PCDHGB3: variants seen among roughly 807,000 people sequenced by gnomAD.
PCDHGB3 encodes protocadherin gamma-B3.
PCDHGB3 carries 40 observed loss-of-function variants against 59.2 expected under a neutral mutation model. That is an observed-to-expected ratio of 0.68 (90% confidence interval 0.52 to 0.88). The LOEUF is 0.88. Among genes scored for constraint, PCDHGB3 ranks in the 40% least tolerant of loss-of-function variants. The pLI is 0.00. For missense variants in PCDHGB3, 1,309 were observed against 1,187.9 expected (o/e 1.10, Z -1.50); for synonymous variants, 581 against 503.6 (o/e 1.15, Z -2.06).
intron 1 of PCDHGB3, chr5:141,387,848 C>A (rs746271589): frequency 1.1e-5 from 18 of 1,597,460 alleles, no homozygotes; most frequent in Non-Finnish European, 1.5e-5. Flanking sequence ...AACCCGGCGT[C>A]TCCAGGCTGG....
intron 1 of PCDHGB3, chr5:141,478,899 T>A (rs905349011): frequency 9.7e-7 from 1 of 1,027,124 alleles, no homozygotes; most frequent in African/African-American, 1.6e-5. Context: ...ACATTAGGAA[T>A]AAGCTGCTGG....
At chr5:141,402,514 AAT>A (rs1200847622) in intron 1 of PCDHGB3, among the ~76,000 whole-genome samples, 1 of 152,218 alleles carries the variant, frequency 6.6e-6, no homozygotes, top group East Asian at 1.9e-4. Flanking sequence ...AATATTAAGC[AAT>A]GGTTTGTGAT....
intron 1 of PCDHGB3, among the ~76,000 whole-genome samples, chr5:141,434,824 A>ACTTG (rs1561875192): frequency 1.3e-5 from 2 of 151,888 alleles, no homozygotes; most frequent in African/African-American, 4.8e-5. Flanking sequence ...CCCTTAGTAC[A>ACTTG]CTTGGCATTT....
chr5:141,403,527 C>G lies in PCDHGB3; in HGVS notation c.2415+30718C>G. The G allele has an allele frequency of 3.1e-6, 5 of 1,614,022 alleles. No homozygotes were observed. The South Asian group carries it at 5.5e-5, about 18-fold the overall frequency. The stretch of plus-strand genomic sequence containing the variant: ...ACTGGAGACAATGGAGCCATAAACC[C>G]AGAGCTGGTGCTGGAGCGCGCCCTG... On this transcript the variant is annotated intron_variant, in intron 1 of 3. Coordinates refer to ENST00000576222, the MANE Select transcript of PCDHGB3 (RefSeq NM_018924.5).
chr5:141,371,175 G>T lies in PCDHGB3; in HGVS notation c.781G>T (p.Val261Leu), dbSNP rs753971437. ...VAENLPAGSS[V>L]LKVMAIDMDE... ...AGAGAACCTGCCCGCTGGCTCCTCC[G>T]TATTAAAAGTGATGGCCATTGACAT... Residue 261 changes from valine to leucine, a missense_variant, in exon 1 of 4, where the codon GTA becomes TTA. Coordinates refer to ENST00000576222, the MANE Select transcript of PCDHGB3 (RefSeq NM_018924.5). 1 of 1,614,004 alleles carries T rather than the reference G, an allele frequency of 6.2e-7. No individual in the cohort carries two copies. Among genetic ancestry groups the T allele is most frequent in the South Asian group, 1.1e-5 (1 of 91,088 alleles).
Position 141,432,093 on chromosome 5 carries a change from C to G in PCDHGB3, c.2415+59284C>G. On this transcript the variant is annotated intron_variant, in intron 1 of 3. Coordinates refer to ENST00000576222, the MANE Select transcript of PCDHGB3 (RefSeq NM_018924.5). This position sits in a 1 kb window ranked among gnomAD's most constrained non-coding sequence, Gnocchi z 6.0. ...CATATCTCGCTGAACGTGGCAGACA[C>G]CAACGACAACCCGCCGGTCTTCCCT... 1 of 1,614,170 alleles carries G rather than the reference C, an allele frequency of 6.2e-7. No individual in the cohort carries two copies. The highest frequency in any genetic ancestry group is 8.5e-7 in the Non-Finnish European group (1 of 1,180,046).
rs1158003183 is a variant in PCDHGB3, at chr5:141,397,388, G to A, written c.2415+24579G>A. Among the ~76,000 whole-genome samples the A allele has an allele frequency of 3.9e-5, 6 of 152,232 alleles. No individual in the cohort carries two copies. In the East Asian group the frequency reaches 1.2e-3, roughly 29 times the overall value. Reference sequence around the variant, plus strand: ...GATGTTTGGGGATTGGTATAAAATTGCCACAACTTTACAAAATAGTTTTAA... The same window carrying A: ...GATGTTTGGGGATTGGTATAAAATTACCACAACTTTACAAAATAGTTTTAA... On this transcript the variant is annotated intron_variant, in intron 1 of 3. Transcript: ENST00000576222.
intron 1 of PCDHGB3, chr5:141,409,190 C>T (rs868189970): frequency 6.2e-7 from 1 of 1,613,986 alleles, no homozygotes; most frequent in Non-Finnish European, 8.5e-7. Context: ...TCTCTCTACC[C>T]AGTGTAAAGT....
At chr5:141,439,727 C>G (rs940325016) in intron 1 of PCDHGB3, 2 of 152,406 alleles carry the variant, frequency 1.3e-5, no homozygotes, top group Non-Finnish European at 2.9e-5. Context: ...AAATTATAAG[C>G]AGGAACGGAA....
intron 1 of PCDHGB3, chr5:141,374,222 A>G (rs1770285698): frequency 1.2e-6 from 2 of 1,613,902 alleles, no homozygotes; most frequent in South Asian, 1.1e-5. Flanking sequence ...CTTCGTAGGC[A>G]ACATCGTCAA....
intron 1 of PCDHGB3, chr5:141,403,339 C>T (rs2094393588): frequency 1.2e-6 from 2 of 1,613,892 alleles, no homozygotes; most frequent in Admixed American, 1.7e-5. Context: ...TTAACGACAG[C>T]GCCCCAAAGT....
intron 1 of PCDHGB3, chr5:141,403,166 A>G (rs907710099): frequency 1.2e-6 from 2 of 1,614,002 alleles, no homozygotes; most frequent in Non-Finnish European, 1.7e-6. Flanking sequence ...TAGAGGTAGG[A>G]CGCAGCTTTT....
chr5:141,371,930 G>A lies in PCDHGB3; in HGVS notation c.1536G>A (p.Gly512=), dbSNP rs755224038. The A allele has an allele frequency of 3.1e-6, 5 of 1,613,242 alleles. No individual in the cohort carries two copies. Among genetic ancestry groups the A allele is most frequent in the Non-Finnish European group, 3.4e-6 (4 of 1,179,918 alleles). Residue 512 remains glycine (G), a synonymous_variant, in exon 1 of 4, where the codon GGG becomes GGA. Transcript: ENST00000576222. The part of the protein sequence containing the change: ...SSYVSVSARS[G]VVFAQRAFDH... The stretch of plus-strand genomic sequence containing the variant: ...ACGTGTCCGTGAGCGCGCGGAGCGG[G>A]GTGGTGTTCGCGCAGCGAGCCTTCG...
Position 141,432,076 on chromosome 5 carries a change from G to T in PCDHGB3, c.2415+59267G>T. ...CCCTATCCACGGAAACTCATATCTC[G>T]CTGAACGTGGCAGACACCAACGACA... On this transcript the variant is annotated intron_variant, in intron 1 of 3. Transcript: ENST00000576222. This position sits in a 1 kb window ranked among gnomAD's most constrained non-coding sequence, Gnocchi z 6.0. 1.2e-6 allele frequency: 2 copies of T among 1,614,160 alleles called. No homozygotes were observed. Among genetic ancestry groups the T allele is most frequent in the Non-Finnish European group, 1.7e-6 (2 of 1,180,024 alleles).
At chr5:141,374,076 A>AGCCAGTAATGGCGCCTCCGCAGAGGC (rs1770087883) in intron 1 of PCDHGB3, 1 of 1,514,538 alleles carries the variant, frequency 6.6e-7, no homozygotes, top group Non-Finnish European at 8.8e-7. Flanking sequence ...GTTCCTAATA[A>AGCCAGTAATGGCGCCTCCGCAGAGGC]GCCAGTAATG....
rs751047365 is a variant in PCDHGB3 at position 141,419,570 on chromosome 5, G to C, written c.2415+46761G>C. On this transcript the variant is annotated intron_variant, in intron 1 of 3. Transcript: ENST00000576222. ...GCTGTACCCTGCGCTGGGTCCCGAC[G>C]GCTCCGCGCTCTTCGACACAGTGCC... 5.6e-6 allele frequency: 9 copies of C among 1,611,766 alleles called. No individual in the cohort carries two copies. The South Asian group carries it at 8.8e-5, about 16-fold the overall frequency.
intron 1 of PCDHGB3, among the ~76,000 whole-genome samples, chr5:141,450,832 T>TTATTA (rs764784095): frequency 5.6e-5 from 8 of 142,316 alleles, no homozygotes; most frequent in African/African-American, 2.2e-4. Context: ...TATTATTATT[T>TTATTA]TTTTTTTTTT....
In PCDHGB3 at chr5:141,485,101, T is replaced by C; in HGVS notation, c.2416-9706T>C. On this transcript the variant is annotated intron_variant, in intron 1 of 3. Coordinates refer to ENST00000576222, the MANE Select transcript of PCDHGB3 (RefSeq NM_018924.5). The surrounding 1 kb of genome is among the most constrained non-coding windows in gnomAD (Gnocchi z 5.7). ...GGAAAGGGAGATAGGTGTCTCCAGC[T>C]GCTGTGGCTGTTTGGGGCGGGTCGG... 1 of 1,158,208 alleles carries C rather than the reference T, an allele frequency of 8.6e-7. No homozygotes were observed. Among genetic ancestry groups the C allele is most frequent in the South Asian group, 1.4e-5 (1 of 72,622 alleles). The allele number at this position is 1,158,208 out of a possible 1,614,324, so 71.7% of individuals were successfully genotyped here.
At chr5:141,425,987 G>A (rs1304785231) in intron 1 of PCDHGB3, among the ~76,000 whole-genome samples, 1 of 152,188 alleles carries the variant, frequency 6.6e-6, no homozygotes, top group Non-Finnish European at 1.5e-5. Flanking sequence ...GAATCCCATT[G>A]AATTAGCAAA....
Sources: gnomAD v4.1 joint callset for allele counts (sites outside exome capture counted in the v4.1 genomes callset) on GRCh38, gnomAD v4.1.1 for gene constraint, Gnocchi (gnomAD v3.1) non-coding constraint, MANE v1.5 for transcripts, NCBI Gene and HGNC (gene_info 2026-07-23, HGNC 2026-07-21) for gene names.